Variants in PTPRT observed in about 807,000 individuals in gnomAD.
The protein encoded by PTPRT is receptor-type tyrosine-protein phosphatase T.
Under a neutral mutation model 176.8 loss-of-function variants are expected in PTPRT, and 56 were observed. The observed-to-expected ratio is 0.32, with a 90% confidence interval of 0.26 to 0.40. The LOEUF (loss-of-function observed/expected upper bound fraction) is 0.40. Ranked by LOEUF, PTPRT falls within the 10% of genes least tolerant of loss-of-function variation. PTPRT has a pLI of 1.00. For synonymous variants in PTPRT, 783 were observed against 739.0 expected (o/e 1.06, Z -0.96); for missense variants, 1,540 against 1,908.2 (o/e 0.81, Z 3.60).
intron 15 of PTPRT, among the ~76,000 whole-genome samples, chr20:42,206,381 T>C (rs2055461417): frequency 1.3e-5 from 2 of 152,154 alleles, no homozygotes; most frequent in Admixed American, 6.5e-5. Context: ...CGGGTTCATC[T>C]CACTAGGGAG....
chr20:42,924,371 C>T (rs758605792), intron 1 of PTPRT, among the ~76,000 whole-genome samples: 1 of 152,104 alleles, frequency 6.6e-6, no homozygotes, highest in Non-Finnish European at 1.5e-5. Flanking sequence ...TGGATGCAGC[C>T]GCGGTCTGAT....
At chr20:42,893,228 G>A (rs2079226512) in intron 1 of PTPRT, among the ~76,000 whole-genome samples, 1 of 152,208 alleles carries the variant, frequency 6.6e-6, no homozygotes, top group Non-Finnish European at 1.5e-5. Context: ...CTCAAAAGAA[G>A]ACGTTTATGC....
chr20:42,314,846 C>G (rs2089186480), intron 12 of PTPRT, among the ~76,000 whole-genome samples: 1 of 152,198 alleles, frequency 6.6e-6, no homozygotes, highest in Admixed American at 6.5e-5. Flanking sequence ...GAGACACAGC[C>G]CACTCCCTAC....
At chr20:42,845,006 C>T (rs1015040211) in intron 2 of PTPRT, among the ~76,000 whole-genome samples, 23 of 152,126 alleles carry the variant, frequency 1.5e-4, no homozygotes, top group African/African-American at 5.6e-4. Context: ...CTTTGCTTGA[C>T]GGGGACCATC....
intron 7 of PTPRT, among the ~76,000 whole-genome samples, chr20:42,531,261 A>G (rs776119084): frequency 2.6e-5 from 4 of 152,200 alleles, no homozygotes; most frequent in Non-Finnish European, 4.4e-5. Flanking sequence ...CTCCTTTTCT[A>G]TTCAGAAGAA....
chr20:42,933,490 C>T (rs947450376), intron 1 of PTPRT, among the ~76,000 whole-genome samples: 6 of 152,100 alleles, frequency 3.9e-5, no homozygotes, highest in African/African-American at 1.2e-4. Context: ...AGCATGGTGC[C>T]GGGCACAAAG....
At chr20:42,144,856 A>G (rs1474704088) in intron 17 of PTPRT, among the ~76,000 whole-genome samples, 1 of 152,166 alleles carries the variant, frequency 6.6e-6, no homozygotes, top group African/African-American at 2.4e-5. Context: ...ATTCCTTACT[A>G]GGTCTATCCT....
intron 1 of PTPRT, among the ~76,000 whole-genome samples, chr20:43,185,120 G>A (rs549212335): frequency 5.3e-5 from 8 of 152,244 alleles, no homozygotes; most frequent in African/African-American, 1.4e-4. Context: ...CATGAGACAC[G>A]CTAACTGCTT....
intron 1 of PTPRT, among the ~76,000 whole-genome samples, chr20:42,977,506 T>C (rs1248441250): frequency 6.6e-6 from 1 of 152,184 alleles, no homozygotes; most frequent in Non-Finnish European, 1.5e-5. Context: ...GTTTGGAAGA[T>C]TCTCTAAAGA....
intron 13 of PTPRT, among the ~76,000 whole-genome samples, chr20:42,279,202 T>A (rs922324427): frequency 7.2e-5 from 11 of 152,094 alleles, no homozygotes; most frequent in Admixed American, 2.6e-4. Flanking sequence ...AGCAAAGTGC[T>A]CAAAATGTCT....
intron 11 of PTPRT, among the ~76,000 whole-genome samples, chr20:42,328,000 T>C (rs2057910306): frequency 6.6e-6 from 1 of 152,092 alleles, no homozygotes; most frequent in Non-Finnish European, 1.5e-5. Flanking sequence ...CTATATTCTG[T>C]ATATATAATG....
At chr20:42,048,452 A>C in the PTPRT span, among the ~76,000 whole-genome samples, 1 of 152,154 alleles carries the variant, frequency 6.6e-6, no homozygotes, top group African/African-American at 2.4e-5. Context: ...ATAAGAGGTG[A>C]TAAAGCTTCC....
rs2146292776 is a variant in PTPRT, at chr20:42,110,499, A to C, written c.3100-12T>G. 1 of 1,589,292 alleles carries C rather than the reference A, an allele frequency of 6.3e-7. No individual in the cohort carries two copies. The highest frequency in any genetic ancestry group is 8.6e-7 in the Non-Finnish European group (1 of 1,164,716). ...TCATGGTAGCCTTTCTGAGGAAAGA[A>C]CGGGCCTCTGTTCTTCCAGCTGCTG... is the stretch of plus-strand genomic sequence containing the variant. On this transcript the variant is annotated splice_polypyrimidine_tract_variant and intron_variant, in intron 22 of 30. Coordinates refer to ENST00000373187, the MANE Select transcript of PTPRT (RefSeq NM_007050.6).
At chr20:42,937,086 C>T (rs759231808) in intron 1 of PTPRT, among the ~76,000 whole-genome samples, 9 of 152,186 alleles carry the variant, frequency 5.9e-5, no homozygotes, top group Non-Finnish European at 1.0e-4. Context: ...GTGGGAATCT[C>T]GGCTTTACAC....
intron 7 of PTPRT, among the ~76,000 whole-genome samples, chr20:42,644,850 A>G (rs1227563997): frequency 1.3e-5 from 2 of 152,198 alleles, no homozygotes; most frequent in African/African-American, 4.8e-5. Context: ...ATTCATATGT[A>G]TTGCACAGAT....
At chr20:42,291,737 T>C (rs2057319832) in intron 12 of PTPRT, among the ~76,000 whole-genome samples, 1 of 152,084 alleles carries the variant, frequency 6.6e-6, no homozygotes, top group Non-Finnish European at 1.5e-5. Flanking sequence ...ACATACAAAA[T>C]TCTGGCATGG....
At chr20:42,361,596 T>G (rs572938894) in intron 9 of PTPRT, among the ~76,000 whole-genome samples, 2 of 152,338 alleles carry the variant, frequency 1.3e-5, no homozygotes, top group East Asian at 3.9e-4. Flanking sequence ...GGCCGCCATG[T>G]GTGAGCAAAC....
intron 2 of PTPRT, among the ~76,000 whole-genome samples, chr20:42,793,338 C>T (rs2077404734): frequency 6.6e-6 from 1 of 152,210 alleles, no homozygotes; most frequent in South Asian, 2.1e-4. Context: ...CCATCCCACC[C>T]TCCAACTCTT....
At chr20:42,947,554 G>T (rs932657385) in intron 1 of PTPRT, among the ~76,000 whole-genome samples, 1 of 152,086 alleles carries the variant, frequency 6.6e-6, no homozygotes, top group South Asian at 2.1e-4. Flanking sequence ...AAACAATATC[G>T]CAATGTTTGA....
Sources: allele counts gnomAD v4.1 joint callset (sites outside exome capture counted in the v4.1 genomes callset), GRCh38; gene constraint gnomAD v4.1.1; transcripts MANE v1.5; gene names NCBI Gene and HGNC (gene_info 2026-07-23, HGNC 2026-07-21).